Variants in CHRM3 observed in about 807,000 individuals in gnomAD.
CHRM3 encodes muscarinic acetylcholine receptor M3.
CHRM3 carries 11 observed loss-of-function variants against 41.8 expected under a neutral mutation model. The ratio of observed to expected loss-of-function variants is 0.26; its 90% CI spans 0.17 to 0.44. The LOEUF (loss-of-function observed/expected upper bound fraction) is 0.44. Among genes scored for constraint, CHRM3 ranks in the 20% least tolerant of loss-of-function variants. The pLI is 1.00. For missense variants in CHRM3, 571 were observed against 745.4 expected (o/e 0.77, Z 2.72); for synonymous variants, 297 against 301.4 (o/e 0.99, Z 0.15).
At chr1:239,531,122 A>C (rs960770756) in intron 2 of CHRM3, among the ~76,000 whole-genome samples, 16 of 152,278 alleles carry the variant, frequency 1.1e-4, no homozygotes, top group South Asian at 4.1e-4. Context: ...TTTTGCAGAA[A>C]TTGACAAGCT....
At chr1:239,655,544 A>G (rs1672636025) in intron 4 of CHRM3, among the ~76,000 whole-genome samples, 1 of 152,198 alleles carries the variant, frequency 6.6e-6, no homozygotes, top group Admixed American at 6.5e-5. Context: ...AGAGCCCCAA[A>G]TTAAACATAT....
At chr1:239,443,369 G>T (rs1663876235) in intron 1 of CHRM3, among the ~76,000 whole-genome samples, 1 of 152,098 alleles carries the variant, frequency 6.6e-6, no homozygotes, top group African/African-American at 2.4e-5. Flanking sequence ...GCGAAGGGAA[G>T]CTTCTCTTTG....
intron 3 of CHRM3, among the ~76,000 whole-genome samples, chr1:239,618,696 T>G (rs1348664418): frequency 2.0e-5 from 3 of 150,298 alleles, no homozygotes; most frequent in Non-Finnish European, 4.4e-5. Context: ...TACAAAAAAT[T>G]AGCTGGGCGT....
intron 6 of CHRM3, among the ~76,000 whole-genome samples, chr1:239,864,377 C>T (rs1226942019): frequency 6.6e-6 from 1 of 152,036 alleles, no homozygotes; most frequent in Non-Finnish European, 1.5e-5. Flanking sequence ...CGTGGTGGCA[C>T]ACGCCTGTAA....
chr1:239,841,393 A>G (rs960548791), intron 6 of CHRM3, among the ~76,000 whole-genome samples: 4 of 152,200 alleles, frequency 2.6e-5, no homozygotes, highest in African/African-American at 9.7e-5. Flanking sequence ...GTTCGTTACC[A>G]ATGATCCAGT....
chr1:239,767,972 A>G (rs999813614), intron 5 of CHRM3, among the ~76,000 whole-genome samples: 5 of 152,134 alleles, frequency 3.3e-5, no homozygotes, highest in Admixed American at 3.3e-4. Context: ...TTTCAATGCT[A>G]CTGGTCCATA....
chr1:239,656,458 TAAAAAAAAAAG>T (rs1334506784), intron 4 of CHRM3, among the ~76,000 whole-genome samples: 1 of 137,726 alleles, frequency 7.3e-6, no homozygotes, highest in African/African-American at 2.7e-5. Flanking sequence ...TCATCTCTGC[TAAAAAAAAAAG>T]AAAAAAGAAA....
At chr1:239,852,218 A>C (rs1674752924) in intron 6 of CHRM3, among the ~76,000 whole-genome samples, 1 of 152,190 alleles carries the variant, frequency 6.6e-6, no homozygotes, top group South Asian at 2.1e-4. Flanking sequence ...AAGGATTTAA[A>C]AGAAAAATGA....
intron 5 of CHRM3, among the ~76,000 whole-genome samples, chr1:239,708,236 G>A (rs1661379660): frequency 6.6e-6 from 1 of 152,124 alleles, no homozygotes; most frequent in African/African-American, 2.4e-5. Context: ...CCTTGAATCT[G>A]GCTCTTCTTT....
chr1:239,642,559 G>A (rs149837673), intron 4 of CHRM3, among the ~76,000 whole-genome samples: 6 of 152,018 alleles, frequency 3.9e-5, no homozygotes, highest in South Asian at 2.1e-4. Flanking sequence ...TGATCGCATC[G>A]GCTCCTGAGG....
chr1:239,419,078 T>C (rs1336795201), intron 1 of CHRM3, among the ~76,000 whole-genome samples: 2 of 152,134 alleles, frequency 1.3e-5, no homozygotes, highest in Non-Finnish European at 2.9e-5. Context: ...AAGGGACAGA[T>C]CCCAGTTCGT....
intron 1 of CHRM3, among the ~76,000 whole-genome samples, chr1:239,436,725 A>G (rs1025789625): frequency 1.3e-5 from 2 of 152,130 alleles, no homozygotes; most frequent in Admixed American, 6.5e-5. Context: ...ATTAGATTCC[A>G]AGACCTCTAA....
At position 239,404,410 on chromosome 1, in the gene CHRM3, AAAAGAAAGAAAGAAAGAAAG is replaced by A. The variant is rs1170633500; in HGVS notation, c.-521+17223_-521+17242del. On this transcript the variant is annotated intron_variant, in intron 1 of 6. Coordinates refer to ENST00000676153, the MANE Select transcript of CHRM3 (RefSeq NM_001375978.1). ...AAAGAAAGAAAGAAAGAAAGAAAGA[AAAAGAAAGAAAGAAAGAAAG>A]AAAGAAAGAAAGAAAGAAAGAAAGA... Among the ~76,000 whole-genome samples, 143 of 51,724 alleles carry A rather than the reference AAAAGAAAGAAAGAAAGAAAG, an allele frequency of 2.8e-3. 2 individuals are homozygous for A. The highest frequency in any genetic ancestry group is 8.1e-3 in the African/African-American group (125 of 15,526). The allele number at this position is 51,724 out of a possible 152,430, so 33.9% of individuals were successfully genotyped here.
At chr1:239,619,915 T>C (rs6697471) in intron 3 of CHRM3, among the ~76,000 whole-genome samples, 37,496 of 152,000 alleles carry the variant, frequency 0.25, 4,938 homozygotes, top group African/African-American at 0.27. Flanking sequence ...AAAGGTTACC[T>C]GAAGAAAAGG....
intron 4 of CHRM3, among the ~76,000 whole-genome samples, chr1:239,653,420 A>C (rs1038713006): frequency 2.0e-5 from 3 of 152,126 alleles, no homozygotes; most frequent in African/African-American, 7.2e-5. Flanking sequence ...CAGAGACGGA[A>C]ACGGAAGTAC....
At chr1:239,402,175 C>G (rs1294547887) in intron 1 of CHRM3, among the ~76,000 whole-genome samples, 1 of 152,106 alleles carries the variant, frequency 6.6e-6, no homozygotes, top group African/African-American at 2.4e-5. Flanking sequence ...TCACCTTTCT[C>G]CAAAATATTC....
intron 6 of CHRM3, among the ~76,000 whole-genome samples, chr1:239,890,817 A>G (rs1357304606): frequency 2.6e-5 from 4 of 152,228 alleles, no homozygotes; most frequent in Non-Finnish European, 5.9e-5. Context: ...CAATTGCAAA[A>G]AAGAATTCCT....
chr1:239,416,203 T>G (rs10802763), intron 1 of CHRM3, among the ~76,000 whole-genome samples: 150,913 of 152,278 alleles, frequency 0.99, 74,795 homozygotes, highest in East Asian at 1. Context: ...GTTTTGTTTT[T>G]TGGACTACTT....
Position 239,905,959 on chromosome 1 carries a change from C to T in CHRM3, c.-19-1474C>T, listed in dbSNP as rs571354443. ...TATGTTAAAACATTTTGATGAGAAA[C>T]GAAGCTTCTTTGGCCACTTATTGAA... On this transcript the variant is annotated intron_variant, in intron 6 of 6. Transcript: ENST00000676153. 3.5e-4 allele frequency among the ~76,000 whole-genome samples: 54 copies of T among 152,240 alleles called. No individual in the cohort carries two copies. The South Asian group carries it at 7.9e-3, about 22-fold the overall frequency.
Sources: gnomAD v4.1 joint callset for allele counts (sites outside exome capture counted in the v4.1 genomes callset) on GRCh38, gnomAD v4.1.1 for gene constraint, MANE v1.5 for transcripts, NCBI Gene and HGNC (gene_info 2026-07-23, HGNC 2026-07-21) for gene names.